Variants in LRRC47 observed in about 807,000 individuals in gnomAD.
LRRC47 encodes the protein leucine-rich repeat-containing protein 47.
A neutral mutation model predicts 40.9 loss-of-function variants in LRRC47; 31 were observed. The ratio of observed to expected loss-of-function variants is 0.76; its 90% CI spans 0.57 to 1.02. LRRC47 has a LOEUF of 1.02. Ranked by LOEUF, LRRC47 falls within the 50% of genes least tolerant of loss-of-function variation. The pLI is 0.00. For synonymous variants in LRRC47, 427 were observed against 371.9 expected (o/e 1.15, Z -1.70); for missense variants, 726 against 796.1 (o/e 0.91, Z 1.06).
intron 1 of LRRC47, among the ~76,000 whole-genome samples, chr1:3,794,932 T>C (rs1643659246): frequency 6.7e-6 from 1 of 149,944 alleles, no homozygotes; most frequent in African/African-American, 2.5e-5. Flanking sequence ...TGTGCGCCTG[T>C]AAGCCCAGCT....
chr1:3,788,411 G>A (rs1167761829), intron 1 of LRRC47, among the ~76,000 whole-genome samples: 1 of 152,222 alleles, frequency 6.6e-6, no homozygotes, highest in Non-Finnish European at 1.5e-5. Context: ...TGGGCCCCCT[G>A]GAAGCCAGCA....
At chr1:3,787,979 G>A (rs1348253459) in intron 1 of LRRC47, among the ~76,000 whole-genome samples, 2 of 152,180 alleles carry the variant, frequency 1.3e-5, no homozygotes, top group African/African-American at 2.4e-5. Flanking sequence ...AGGAAGCCCC[G>A]TGGCCCACGG....
In LRRC47 at chr1:3,779,465, C is replaced by G. The variant is rs1322193700; in HGVS notation, c.*1623G>C. ...AAATCATCGCGGTGGCTGGCCGTGT[C>G]CTCATGAGCCAAGCACACTGACTCC... On this transcript the variant is annotated 3_prime_UTR_variant, in exon 7 of 7. Coordinates refer to ENST00000378251, the MANE Select transcript of LRRC47 (RefSeq NM_020710.3). 1 of 152,156 alleles carries G rather than the reference C, an allele frequency of 6.6e-6. No individual in the cohort carries two copies. Among genetic ancestry groups the G allele is most frequent in the East Asian group, 1.9e-4 (1 of 5,194 alleles). 9.4% of individuals were successfully genotyped at this position (152,156 alleles called of 1,614,324 possible). A position where few individuals can be genotyped will look rare whatever the true frequency, so the allele number is the denominator to read the frequency against.
chr1:3,781,190 C>T lies in LRRC47; in HGVS notation c.1650G>A (p.Val550=), dbSNP rs781110595. The change falls in exon 7 of 7, where the codon GTG becomes GTA. Residue 550 remains valine (V), a synonymous_variant. Coordinates refer to ENST00000378251, the MANE Select transcript of LRRC47 (RefSeq NM_020710.3). The part of the protein sequence containing the change: ...AGKDGPSLLV[V]EQVRVVDLEG... ...CCAGATCCACCACCCGGACCTGCTC[C>T]ACCACCAGAAGGGAGGGCCCGTCCT... The T allele has an allele frequency of 3.1e-6, 5 of 1,614,060 alleles. No homozygotes were observed. The South Asian group carries it at 4.4e-5, about 14-fold the overall frequency.
chr1:3,787,995 C>T (rs139709858), intron 1 of LRRC47, among the ~76,000 whole-genome samples: 235 of 152,326 alleles, frequency 1.5e-3, no homozygotes, highest in African/African-American at 5.2e-3. Context: ...CACGGGAAAG[C>T]GTTTTCTATG....
chr1:3,795,262 C>T (rs1643663256), intron 1 of LRRC47, among the ~76,000 whole-genome samples: 1 of 152,062 alleles, frequency 6.6e-6, no homozygotes, highest in African/African-American at 2.4e-5. Context: ...AGCATTATCG[C>T]GGGGCCTGGG....
At position 3,781,205 on chromosome 1, in the gene LRRC47, G is replaced by C; in HGVS notation, c.1635C>G (p.Pro545=). Residue 545 remains proline (P), a synonymous_variant, in exon 7 of 7, where the codon CCC becomes CCG. Transcript: ENST00000378251. ...TTNPSAGKDG[P]SLLVVEQVRV... ...GGACCTGCTCCACCACCAGAAGGGA[G>C]GGCCCGTCCTTTCCAGCACTGGGAT... 1 of 1,614,210 alleles carries C rather than the reference G, an allele frequency of 6.2e-7. No homozygotes were observed. The highest frequency in any genetic ancestry group is 8.5e-7 in the Non-Finnish European group (1 of 1,180,040).
intron 1 of LRRC47, 37 bp from the exon 2 acceptor site, chr1:3,787,347 C>T (rs777623480): frequency 1.9e-6 from 3 of 1,568,574 alleles, no homozygotes; most frequent in South Asian, 1.2e-5. Context: ...GACGCCCGGA[C>T]TCTGGGAAGA....
intron 4 of LRRC47, chr1:3,783,765 A>G: frequency 1.9e-6 from 1 of 539,792 alleles, no homozygotes; most frequent in Non-Finnish European, 3.3e-6. Flanking sequence ...TGGAATGGCC[A>G]ATACCTCCGC....
At chr1:3,782,510 T>G (rs1643530112) in intron 5 of LRRC47, 151 bp downstream of exon 5, 2 of 630,090 alleles carry the variant, frequency 3.2e-6, no homozygotes, top group Non-Finnish European at 5.8e-6. Context: ...GTCAGGCTGG[T>G]CTTGAACTCC....
intron 1 of LRRC47, 57 bp downstream of exon 1, chr1:3,795,801 GTTCC>G: frequency 1.4e-6 from 2 of 1,452,732 alleles, no homozygotes; most frequent in Non-Finnish European, 1.8e-6. Flanking sequence ...CCCGAGAGGG[GTTCC>G]TTCTCCAGGG....
At chr1:3,790,410 G>A (rs551666723) in intron 1 of LRRC47, among the ~76,000 whole-genome samples, 1 of 152,330 alleles carries the variant, frequency 6.6e-6, no homozygotes, top group South Asian at 2.1e-4. Context: ...CTTTACTAAG[G>A]CACCGTCCTG....
chr1:3,788,092 G>T (rs965718755), intron 1 of LRRC47, among the ~76,000 whole-genome samples: 1 of 152,260 alleles, frequency 6.6e-6, no homozygotes, highest in Non-Finnish European at 1.5e-5. Context: ...TGCACTCTTA[G>T]GATGTCTTTC....
chr1:3,793,755 A>G (rs1284388162), intron 1 of LRRC47, among the ~76,000 whole-genome samples: 1 of 152,140 alleles, frequency 6.6e-6, no homozygotes, highest in Non-Finnish European at 1.5e-5. Flanking sequence ...CCCAGCCAGA[A>G]GTGACTCAGT....
In LRRC47 at chr1:3,789,147, C is replaced by T. The variant is rs115318314; in HGVS notation, c.616-1837G>A. Among the ~76,000 whole-genome samples, 767 of 152,356 alleles carry T rather than the reference C, an allele frequency of 5.0e-3. 7 individuals carry two copies. The highest frequency in any genetic ancestry group is 0.018 in the African/African-American group (734 of 41,600). Reference sequence around the variant, plus strand: ...CCAGGAGCCGTATCACCAATGCTGTCGCCAGCCTGCAGCACCAGGAACAGT... The same window carrying T: ...CCAGGAGCCGTATCACCAATGCTGTTGCCAGCCTGCAGCACCAGGAACAGT... On this transcript the variant is annotated intron_variant, in intron 1 of 6. Transcript: ENST00000378251.
intron 1 of LRRC47, among the ~76,000 whole-genome samples, chr1:3,788,039 G>A (rs1266134279): frequency 6.6e-6 from 1 of 152,246 alleles, no homozygotes; most frequent in Non-Finnish European, 1.5e-5. Context: ...AAAACGTGCA[G>A]GTGACCTCAC....
chr1:3,792,464 C>CTTTTT (rs34288803), intron 1 of LRRC47, among the ~76,000 whole-genome samples: 1,720 of 142,384 alleles, frequency 0.012, 49 homozygotes, highest in African/African-American at 0.033. Flanking sequence ...TGGACGCACA[C>CTTTTT]TTTTTTTTTT....
chr1:3,795,999 G>C lies in LRRC47; in HGVS notation c.478C>G (p.Leu160Val), dbSNP rs759025382. 33 of 1,566,100 alleles carry C rather than the reference G, an allele frequency of 2.1e-5. No individual in the cohort carries two copies. In the African/African-American group the frequency reaches 4.5e-4, roughly 21 times the overall value. ...RCAPRLQSLN[L>V]TGNCLDSFPA... ...AAGGAGTCTAGGCAATTGCCGGTGAGGTTGAGGCTCTGCAGGCGCGGGGCG... is the reference window on the plus strand; with the variant it reads ...AAGGAGTCTAGGCAATTGCCGGTGACGTTGAGGCTCTGCAGGCGCGGGGCG... The change falls in exon 1 of 7, where the codon CTC becomes GTC. Residue 160 changes from leucine to valine, a missense_variant. Transcript: ENST00000378251.
In LRRC47 at chr1:3,795,421, T is replaced by C. The variant is rs563987175; in HGVS notation, c.615+441A>G. Reference sequence around the variant, plus strand: ...TTGGAAAGCTGCTATTAGGATGAAGTGAAATATAATCTTCAAGATCACAGC... The same window carrying C: ...TTGGAAAGCTGCTATTAGGATGAAGCGAAATATAATCTTCAAGATCACAGC... On this transcript the variant is annotated intron_variant, in intron 1 of 6. Transcript: ENST00000378251. 1.2e-4 allele frequency among the ~76,000 whole-genome samples: 19 copies of C among 152,256 alleles called. No individual in the cohort carries two copies. In the East Asian group the frequency reaches 3.3e-3, roughly 26 times the overall value.
Sources: gnomAD v4.1 joint callset for allele counts (sites outside exome capture counted in the v4.1 genomes callset) on GRCh38, gnomAD v4.1.1 for gene constraint, MANE v1.5 for transcripts, NCBI Gene and HGNC (gene_info 2026-07-23, HGNC 2026-07-21) for gene names.